Variants in WTIP observed in about 807,000 individuals in gnomAD.
WTIP encodes Wilms tumor protein 1-interacting protein.
WTIP carries 23 observed loss-of-function variants against 41.7 expected under a neutral mutation model. The ratio of observed to expected loss-of-function variants is 0.55; its 90% CI spans 0.40 to 0.78. WTIP has a LOEUF of 0.78. WTIP is among the 30% of genes least tolerant of loss of function. The pLI is 0.00. For synonymous variants in WTIP, 314 were observed against 269.9 expected (o/e 1.16, Z -1.60); for missense variants, 619 against 610.5 (o/e 1.01, Z -0.15).
intron 1 of WTIP, among the ~76,000 whole-genome samples, chr19:34,488,880 G>A (rs984360239): frequency 2.2e-5 from 3 of 136,024 alleles, no homozygotes; most frequent in East Asian, 4.4e-4. Flanking sequence ...TCCAGCCTGG[G>A]CAACAGAGCG....
chr19:34,487,760 G>A (rs2075805012), intron 1 of WTIP, among the ~76,000 whole-genome samples: 1 of 151,898 alleles, frequency 6.6e-6, no homozygotes, highest in South Asian at 2.1e-4. Context: ...GGGCAGCATG[G>A]CCTGGAGCTG....
intron 2 of WTIP, among the ~76,000 whole-genome samples, chr19:34,492,251 A>G (rs971873149): frequency 4.7e-5 from 7 of 149,842 alleles, no homozygotes; most frequent in Non-Finnish European, 8.9e-5. Context: ...GAGTAGTGGG[A>G]CTACAGACAC....
chr19:34,500,276 GA>G lies in WTIP; in HGVS notation c.*11del. ...GCACGTCACTGAGCTCTGAGCAGGG[GA>G]AAACCCGTCCCTGGGCCGGGGTGGG... is the stretch of plus-strand genomic sequence containing the variant. On this transcript the variant is annotated 3_prime_UTR_variant, in exon 8 of 8. Coordinates refer to ENST00000590071, the MANE Select transcript of WTIP (RefSeq NM_001080436.2). 2 of 1,601,232 alleles carry G rather than the reference GA, an allele frequency of 1.2e-6. No individual in the cohort carries two copies. Among genetic ancestry groups the G allele is most frequent in the South Asian group, 1.1e-5 (1 of 89,602 alleles).
In WTIP at chr19:34,494,655, A is replaced by G. The variant is rs763805945; in HGVS notation, c.1083+18A>G. 1 of 1,611,412 alleles carries G rather than the reference A, an allele frequency of 6.2e-7. No individual in the cohort carries two copies. The highest frequency in any genetic ancestry group is 8.5e-7 in the Non-Finnish European group (1 of 1,178,962). Reference sequence around the variant, plus strand: ...CTGCACAGGTAGGAGCCACTCACCCAGAGATGATCAGGTGCCTGGCCCAGC... The same window carrying G: ...CTGCACAGGTAGGAGCCACTCACCCGGAGATGATCAGGTGCCTGGCCCAGC... On this transcript the variant is annotated intron_variant, in intron 6 of 7. Transcript: ENST00000590071.
At position 34,501,346 on chromosome 19, in the gene WTIP, G is replaced by C. The variant is rs1000897297; in HGVS notation, c.*1077G>C. On this transcript the variant is annotated 3_prime_UTR_variant, in exon 8 of 8. Transcript: ENST00000590071. ...TGTCCACCTTTCAGACTTTAGGGTA[G>C]TGTGGGGTTCCGTGTGTGTCCGGGT... 3 of 152,292 alleles carry C rather than the reference G, an allele frequency of 2.0e-5. No individual in the cohort carries two copies. Among genetic ancestry groups the C allele is most frequent in the Non-Finnish European group, 2.9e-5 (2 of 68,062 alleles). The allele number at this position is 152,292 out of a possible 1,614,324, so 9.4% of individuals were successfully genotyped here.
At chr19:34,486,372 T>G (rs967981623) in intron 1 of WTIP, among the ~76,000 whole-genome samples, 30 of 151,550 alleles carry the variant, frequency 2.0e-4, no homozygotes, top group East Asian at 3.9e-4. Flanking sequence ...CAGTTTGTTT[T>G]TTTTTTTTTT....
rs897138440 is a variant in WTIP at position 34,505,591 on chromosome 19, A to T, written c.*5322A>T. ...GCCCATTGTCCTACACCCAGCGCAC[A>T]CTCCTCTCCACGCTGCGCACGTGAA... On this transcript the variant is annotated 3_prime_UTR_variant, in exon 8 of 8. Coordinates refer to ENST00000590071, the MANE Select transcript of WTIP (RefSeq NM_001080436.2). 2 of 151,704 alleles carry T rather than the reference A, an allele frequency of 1.3e-5. No homozygotes were observed. Among genetic ancestry groups the T allele is most frequent in the African/African-American group, 2.4e-5 (1 of 41,152 alleles). The allele number at this position is 151,704 out of a possible 1,614,324, so 9.4% of individuals were successfully genotyped here.
intron 7 of WTIP, among the ~76,000 whole-genome samples, chr19:34,498,266 T>C (rs1012085541): frequency 1.4e-4 from 22 of 152,088 alleles, no homozygotes; most frequent in African/African-American, 1.9e-4. Context: ...CGCCCCCTGC[T>C]TCCCAGGTCC....
intron 1 of WTIP, among the ~76,000 whole-genome samples, chr19:34,483,235 G>A (rs2075779842): frequency 6.8e-6 from 1 of 146,390 alleles, no homozygotes; most frequent in South Asian, 2.1e-4. Flanking sequence ...TGTTGCCCAG[G>A]CTGGTCTTAA....
Position 34,482,088 on chromosome 19 carries a change from G to T in WTIP, c.114G>T (p.Arg38=). 1 of 1,039,366 alleles carries T rather than the reference G, an allele frequency of 9.6e-7. No homozygotes were observed. Among genetic ancestry groups the T allele is most frequent in the Non-Finnish European group, 1.2e-6 (1 of 866,354 alleles). The allele number at this position is 1,039,366 out of a possible 1,614,324, so 64.4% of individuals were successfully genotyped here. A position where few individuals can be genotyped will look rare whatever the true frequency, so the allele number is the denominator to read the frequency against. The part of the protein sequence containing the change: ...GSPGRGRRGP[R]PGPGDEAAPA... ...CCGGTCGGGGGCGGCGGGGGCCGCG[G>T]CCTGGGCCTGGAGACGAGGCGGCGC... Residue 38 remains arginine (R), a synonymous_variant, in exon 1 of 8, where the codon CGG becomes CGT. Transcript: ENST00000590071.
chr19:34,485,624 C>T (rs2075793321), intron 1 of WTIP, among the ~76,000 whole-genome samples: 1 of 150,396 alleles, frequency 6.6e-6, no homozygotes, highest in East Asian at 2.0e-4. Flanking sequence ...GACAGGGTCT[C>T]ACCCTCTCAC....
Position 34,483,220 on chromosome 19 carries a change from C to T in WTIP, c.667+579C>T, listed in dbSNP as rs1323614874. Among the ~76,000 whole-genome samples, 7 of 143,446 alleles carry T rather than the reference C, an allele frequency of 4.9e-5. No individual in the cohort carries two copies. In the South Asian group the frequency reaches 1.6e-3, roughly 32 times the overall value. 94.1% of individuals were successfully genotyped at this position (143,446 alleles called of 152,430 possible). ...TTTTTTTTTTGTAGAGACAGAGTCT[C>T]CCTATGTTGCCCAGGCTGGTCTTAA... On this transcript the variant is annotated intron_variant, in intron 1 of 7. Transcript: ENST00000590071.
intron 1 of WTIP, among the ~76,000 whole-genome samples, chr19:34,483,786 A>G (rs2075783106): frequency 6.6e-6 from 1 of 151,750 alleles, no homozygotes; most frequent in African/African-American, 2.4e-5. Flanking sequence ...GAACTTCCCA[A>G]CCCGCCTTCT....
intron 1 of WTIP, among the ~76,000 whole-genome samples, chr19:34,483,293 G>C (rs981094831): frequency 1.3e-5 from 2 of 150,900 alleles, no homozygotes; most frequent in Non-Finnish European, 2.9e-5. Flanking sequence ...CAAGGTGCTA[G>C]GATTACAGGC....
rs1326577090 is a variant in WTIP at position 34,503,928 on chromosome 19, A to G, written c.*3659A>G. 1 of 152,534 alleles carries G rather than the reference A, an allele frequency of 6.6e-6. No homozygotes were observed. Among genetic ancestry groups the G allele is most frequent in the Admixed American group, 6.5e-5 (1 of 15,268 alleles). 9.4% of individuals were successfully genotyped at this position (152,534 alleles called of 1,614,324 possible). A position where few individuals can be genotyped will look rare whatever the true frequency, so the allele number is the denominator to read the frequency against. ...CGTGAGTGCTCCCTGCAATCCCCAG[A>G]CAAGCCTGCCTCTCAGCGGGGCTCA... On this transcript the variant is annotated 3_prime_UTR_variant, in exon 8 of 8. Coordinates refer to ENST00000590071, the MANE Select transcript of WTIP (RefSeq NM_001080436.2).
rs2075922246 is a variant in WTIP at position 34,508,671 on chromosome 19, C to G, written c.*8402C>G. On this transcript the variant is annotated 3_prime_UTR_variant, in exon 8 of 8. Coordinates refer to ENST00000590071, the MANE Select transcript of WTIP (RefSeq NM_001080436.2). ...CTGGGATGCAGGAGCAGCTGTGTCC[C>G]TCCGCTCCCGCCAGGCCTCTCCCCC... 1 of 152,480 alleles carries G rather than the reference C, an allele frequency of 6.6e-6. No individual in the cohort carries two copies. Among genetic ancestry groups the G allele is most frequent in the Middle Eastern group, 3.4e-3 (1 of 292 alleles). The allele number at this position is 152,480 out of a possible 1,614,324, so 9.4% of individuals were successfully genotyped here.
intron 7 of WTIP, 120 bp from the exon 8 acceptor site, chr19:34,500,009 T>C (rs1032584692): frequency 1.4e-6 from 2 of 1,414,176 alleles, no homozygotes; most frequent in Admixed American, 4.6e-5. Flanking sequence ...CGGAAGAGTC[T>C]TCATGTTGTT....
chr19:34,483,328 C>T (rs1435124785), intron 1 of WTIP, among the ~76,000 whole-genome samples: 1 of 151,884 alleles, frequency 6.6e-6, no homozygotes, highest in Non-Finnish European at 1.5e-5. Context: ...CCGGCCTGAT[C>T]TTTTCTTCTT....
At position 34,493,740 on chromosome 19, in the gene WTIP, T is replaced by G; in HGVS notation, c.1031+118T>G. The G allele has an allele frequency of 7.1e-7, 1 of 1,417,392 alleles. No individual in the cohort carries two copies. Among genetic ancestry groups the G allele is most frequent in the Non-Finnish European group, 9.7e-7 (1 of 1,031,922 alleles). The allele number at this position is 1,417,392 out of a possible 1,614,324, so 87.8% of individuals were successfully genotyped here. ...TGTTCTTGGCCTTTTGCCTTCCGCC[T>G]CCCCTTGTACACCTGGGCTTGGGGC... On this transcript the variant is annotated intron_variant, in intron 5 of 7. Coordinates refer to ENST00000590071, the MANE Select transcript of WTIP (RefSeq NM_001080436.2). This position sits in a 1 kb window ranked among gnomAD's most constrained non-coding sequence, Gnocchi z 4.1.
Sources: gnomAD v4.1 joint callset for allele counts (sites outside exome capture counted in the v4.1 genomes callset) on GRCh38, gnomAD v4.1.1 for gene constraint, Gnocchi (gnomAD v3.1) non-coding constraint, MANE v1.5 for transcripts, NCBI Gene and HGNC (gene_info 2026-07-23, HGNC 2026-07-21) for gene names.